GARIN5B: variants seen among roughly 807,000 people sequenced by gnomAD.
The protein encoded by GARIN5B is golgi associated RAB2 interactor family member 5B.
At chr19:55,358,051 C>CAAAAAA in the GARIN5B span, 2 of 1,116,450 alleles carry the variant, frequency 1.8e-6, no homozygotes, top group Non-Finnish European at 2.3e-6. Flanking sequence ...GAGACCCTGT[C>CAAAAAA]AAAAAAAAAA....
the GARIN5B span, chr19:55,360,779 G>A: frequency 6.4e-7 from 1 of 1,551,724 alleles, no homozygotes. Flanking sequence ...TCTGGATGGG[G>A]GAGCCGTCTG....
the GARIN5B span, among the ~76,000 whole-genome samples, chr19:55,356,285 A>C: frequency 6.6e-6 from 1 of 151,926 alleles, no homozygotes; most frequent in Admixed American, 6.6e-5. Flanking sequence ...ATGGTGGGTC[A>C]CTGCAGCCTC....
chr19:55,357,329 G>A, the GARIN5B span, among the ~76,000 whole-genome samples: 9 of 151,986 alleles, frequency 5.9e-5, no homozygotes, highest in African/African-American at 1.2e-4. Context: ...CCTCCAGCTC[G>A]CTCAGAGTCA....
At chr19:55,359,863 C>T in the GARIN5B span, 1 of 1,551,492 alleles carries the variant, frequency 6.4e-7, no homozygotes, top group Non-Finnish European at 8.7e-7. Flanking sequence ...GGCACGGGTC[C>T]AGGGAGCTGC....
chr19:55,362,744 A>G, the GARIN5B span: 2 of 1,525,000 alleles, frequency 1.3e-6, no homozygotes, highest in Non-Finnish European at 1.8e-6. Context: ...TGGGGCAGCC[A>G]GGGAGAGGGG....
chr19:55,362,153 AGACTTTGGGCTCTTGGTCGCAG>A, the GARIN5B span: 1 of 1,411,850 alleles, frequency 7.1e-7, no homozygotes, highest in Non-Finnish European at 9.3e-7. Context: ...CCCCCGGCCT[AGACTTTGGGCTCTTGGTCGCAG>A]TCCCCTCTGG....
At chr19:55,362,740 AG>A in the GARIN5B span, 9 of 1,525,404 alleles carry the variant, frequency 5.9e-6, no homozygotes, top group African/African-American at 9.6e-5. Context: ...CACCTGGGGC[AG>A]CCAGGGAGAG....
chr19:55,359,986 G>A, the GARIN5B span: 2 of 1,537,958 alleles, frequency 1.3e-6, no homozygotes, highest in Non-Finnish European at 1.8e-6. Flanking sequence ...AGGCCTGTAG[G>A]TGGACAGAGG....
chr19:55,355,565 G>A, the GARIN5B span, among the ~76,000 whole-genome samples: 1 of 152,066 alleles, frequency 6.6e-6, no homozygotes, highest in African/African-American at 2.4e-5. Context: ...TGGCTCTAGG[G>A]GCAGACAAGT....
the GARIN5B span, chr19:55,362,173 C>T: frequency 6.9e-7 from 1 of 1,440,522 alleles, no homozygotes; most frequent in South Asian, 1.5e-5. Context: ...CTCTTGGTCG[C>T]AGTCCCCTCT....
At chr19:55,357,985 C>G in the GARIN5B span, among the ~76,000 whole-genome samples, 1 of 149,466 alleles carries the variant, frequency 6.7e-6, no homozygotes, top group Non-Finnish European at 1.5e-5. Context: ...ACCCAGGAGG[C>G]GGAGGTTGCA....
chr19:55,362,942 G>A, the GARIN5B span: 12 of 1,504,926 alleles, frequency 8.0e-6, no homozygotes, highest in Non-Finnish European at 1.1e-5. Flanking sequence ...CTCGAACATG[G>A]GCAGCGGACG....
At chr19:55,360,936 G>A in the GARIN5B span, 137 of 1,542,370 alleles carry the variant, frequency 8.9e-5, no homozygotes, top group Non-Finnish European at 1.2e-4. Flanking sequence ...GACTTTGGTG[G>A]CATCTGGGCT....
At chr19:55,361,090 CTG>C in the GARIN5B span, 1 of 1,551,318 alleles carries the variant, frequency 6.4e-7, no homozygotes, top group Admixed American at 2.0e-5. Context: ...AGACTTGAAA[CTG>C]CGCTTGAGCG....
the GARIN5B span, chr19:55,360,944 G>A: frequency 6.5e-7 from 1 of 1,545,114 alleles, no homozygotes; most frequent in Non-Finnish European, 8.8e-7. Context: ...TGGCATCTGG[G>A]CTGGGGTCTC....
chr19:55,359,266 G>A, the GARIN5B span: 1 of 1,551,062 alleles, frequency 6.4e-7, no homozygotes, highest in Non-Finnish European at 8.7e-7. Context: ...TCTGGGATGG[G>A]GCAGGGAGGA....
the GARIN5B span, among the ~76,000 whole-genome samples, chr19:55,356,436 G>A: frequency 4.6e-5 from 7 of 151,646 alleles, no homozygotes; most frequent in Admixed American, 1.3e-4. Flanking sequence ...GCAGTGGCAC[G>A]ATCTCAGCTC....
At chr19:55,358,040 T>G in the GARIN5B span, 5 of 1,247,498 alleles carry the variant, frequency 4.0e-6, no homozygotes, top group Non-Finnish European at 4.1e-6. Flanking sequence ...GGTGACAGAG[T>G]GAGACCCTGT....
the GARIN5B span, chr19:55,360,976 C>T: frequency 1.9e-5 from 29 of 1,548,342 alleles, no homozygotes; most frequent in Non-Finnish European, 2.5e-5. Context: ...CACCCACCCA[C>T]CGGCAACAAG....
Sources: gnomAD v4.1 joint callset for allele counts (sites outside exome capture counted in the v4.1 genomes callset) on GRCh38, gnomAD v4.1.1 for gene constraint, MANE v1.5 for transcripts, NCBI Gene and HGNC (gene_info 2026-07-23, HGNC 2026-07-21) for gene names.